ZNF395: variants seen among roughly 807,000 people sequenced by gnomAD.
ZNF395 encodes zinc finger protein 395.
Under a neutral mutation model 57.7 loss-of-function variants are expected in ZNF395, and 20 were observed. The ratio of observed to expected loss-of-function variants is 0.35; its 90% CI spans 0.24 to 0.50. The LOEUF (loss-of-function observed/expected upper bound fraction) is 0.50. ZNF395 is among the 20% of genes least tolerant of loss of function. The probability of loss-of-function intolerance (pLI) is 0.97; values close to 1 mark genes in which losing one functional copy is unlikely to be tolerated. For synonymous variants in ZNF395, 295 were observed against 275.9 expected, an observed-to-expected ratio of 1.07 and a Z score of -0.69; for missense variants, 606 against 671.2, an observed-to-expected ratio of 0.90 and a Z score of 1.07.
rs1441706239 is a variant in ZNF395, at chr8:28,347,467, C to T, written c.*1252G>A. On this transcript the variant is annotated 3_prime_UTR_variant, in exon 10 of 10. Transcript: ENST00000344423. ...GCTGGTTGGCATGGTGCTACACTCC[C>T]GAGACCTCCCTCCTTCTCCCCAAGA... The T allele has an allele frequency of 6.6e-6, 1 of 152,282 alleles. No individual in the cohort carries two copies. Among genetic ancestry groups the T allele is most frequent in the Non-Finnish European group, 1.5e-5 (1 of 68,106 alleles). The allele number at this position is 152,282 out of a possible 1,614,324, so 9.4% of individuals were successfully genotyped here.
chr8:28,360,295 A>G (rs1158825426), intron 2 of ZNF395, among the ~76,000 whole-genome samples: 34 of 152,348 alleles, frequency 2.2e-4, no homozygotes, highest in Non-Finnish European at 7.4e-5. Flanking sequence ...TCTCACAGGC[A>G]GGGAGGCCTG....
intron 1 of ZNF395, among the ~76,000 whole-genome samples, chr8:28,380,444 G>A (rs746180429): frequency 9.2e-5 from 14 of 152,120 alleles, no homozygotes; most frequent in African/African-American, 1.9e-4. Context: ...TCTGATGAGC[G>A]CGCCTTCTCT....
Position 28,360,908 on chromosome 8 carries a change from C to T in ZNF395, c.217G>A (p.Val73Met). ...KAPSTSGLQQ[V>M]AFQPGQKVYV... is the part of the protein sequence containing the mutation. ...ACCTTCTGCCCAGGCTGAAAGGCCA[C>T]CTGCTGAAGGCCCGAGGTGCTGGGA... The change falls in exon 2 of 10, where the codon GTG becomes ATG. Residue 73 changes from valine (V) to methionine (M), a missense_variant. By Grantham distance (21) the Val-to-Met change is conservative. This residue lies in a region of ZNF395 where 309 missense variants were observed against 374.7 expected (regional missense o/e 0.82). Transcript: ENST00000344423. 3 of 1,613,936 alleles carry T rather than the reference C, an allele frequency of 1.9e-6. No homozygotes were observed. The highest frequency in any genetic ancestry group is 2.5e-6 in the Non-Finnish European group (3 of 1,179,984).
chr8:28,360,438 G>A (rs1450581141), intron 2 of ZNF395, among the ~76,000 whole-genome samples: 1 of 152,224 alleles, frequency 6.6e-6, no homozygotes. Context: ...GGGCAGGGAT[G>A]CTGGAAAAGG....
chr8:28,359,550 C>G lies in ZNF395; in HGVS notation c.473+42G>C. 1 of 1,549,244 alleles carries G rather than the reference C, an allele frequency of 6.5e-7. No individual in the cohort carries two copies. Among genetic ancestry groups the G allele is most frequent in the Non-Finnish European group, 8.7e-7 (1 of 1,145,018 alleles). ...CAGCCCACACCCTTACACCACACTA[C>G]CCACGTGACTTTTAAAACCCAGTTT... On this transcript the variant is annotated intron_variant, in intron 3 of 9. Transcript: ENST00000344423. The surrounding 1 kb of genome is among the most constrained non-coding windows in gnomAD (Gnocchi z 4.7).
At chr8:28,349,964 T>C in intron 8 of ZNF395, 100 bp downstream of exon 8, 1 of 1,101,286 alleles carries the variant, frequency 9.1e-7, no homozygotes. Context: ...CACCGACCTG[T>C]GGCCACGTGC....
chr8:28,377,510 G>A (rs894940238), intron 1 of ZNF395, among the ~76,000 whole-genome samples: 2 of 152,102 alleles, frequency 1.3e-5, no homozygotes, highest in African/African-American at 2.4e-5. Context: ...GATCTGCCCT[G>A]TATTCTCTTT....
chr8:28,379,975 A>C (rs927747401), intron 1 of ZNF395, among the ~76,000 whole-genome samples: 2 of 152,104 alleles, frequency 1.3e-5, no homozygotes, highest in Non-Finnish European at 2.9e-5. Context: ...TTGAAGTCAC[A>C]CTGTAGATGT....
intron 7 of ZNF395, among the ~76,000 whole-genome samples, chr8:28,351,151 CA>C (rs1403246209): frequency 1.3e-5 from 2 of 152,136 alleles, no homozygotes; most frequent in Non-Finnish European, 2.9e-5. Context: ...CCACAGAACA[CA>C]ATTCTAGGAC....
At position 28,359,262 on chromosome 8, in the gene ZNF395, C is replaced by T. The variant is rs1162965066; in HGVS notation, c.473+330G>A. ...CCAAAAAATACAAAAATTAGCCAGG[C>T]GTGGTGGTGCACGCCTGTAATCCCA... On this transcript the variant is annotated intron_variant, in intron 3 of 9. Coordinates refer to ENST00000344423, the MANE Select transcript of ZNF395 (RefSeq NM_018660.3). The surrounding 1 kb of genome is among the most constrained non-coding windows in gnomAD (Gnocchi z 4.7). Among the ~76,000 whole-genome samples, 1 of 152,040 alleles carries T rather than the reference C, an allele frequency of 6.6e-6. No individual in the cohort carries two copies. The highest frequency in any genetic ancestry group is 1.5e-5 in the Non-Finnish European group (1 of 68,008).
intron 7 of ZNF395, among the ~76,000 whole-genome samples, chr8:28,350,451 G>C (rs1801667845): frequency 6.6e-6 from 1 of 152,172 alleles, no homozygotes; most frequent in South Asian, 2.1e-4. Flanking sequence ...CTTCTCAACT[G>C]GATCACCTAC....
intron 1 of ZNF395, among the ~76,000 whole-genome samples, chr8:28,371,199 G>A (rs1028744381): frequency 1.3e-5 from 2 of 152,134 alleles, no homozygotes; most frequent in African/African-American, 4.8e-5. Flanking sequence ...TGTTTGTTTT[G>A]AGACAGGGTC....
chr8:28,375,560 C>T (rs993140396), intron 1 of ZNF395, among the ~76,000 whole-genome samples: 16 of 152,152 alleles, frequency 1.1e-4, no homozygotes, highest in African/African-American at 3.4e-4. Context: ...TGTCTCCATA[C>T]GTATGTGTCG....
intron 1 of ZNF395, among the ~76,000 whole-genome samples, chr8:28,375,692 G>A (rs1375500943): frequency 6.6e-6 from 1 of 152,176 alleles, no homozygotes; most frequent in Non-Finnish European, 1.5e-5. Context: ...TGTCCTATCA[G>A]ACGTTGGAAA....
Position 28,383,131 on chromosome 8 carries a change from T to C in ZNF395, c.-59+3262A>G, listed in dbSNP as rs1001012427. Among the ~76,000 whole-genome samples, 3 of 152,360 alleles carry C rather than the reference T, an allele frequency of 2.0e-5. No individual in the cohort carries two copies. The South Asian group carries it at 6.2e-4, about 32-fold the overall frequency. On this transcript the variant is annotated intron_variant, in intron 1 of 9. Transcript: ENST00000344423. ...TAAAGAAAAATATCTGATTCCCAAG[T>C]CCTCTTCTACTAGTTCACTGATCTT...
chr8:28,358,878 C>T lies in ZNF395; in HGVS notation c.473+714G>A, dbSNP rs117194402. The stretch of plus-strand genomic sequence containing the variant: ...GCATCACCCCTGGCTGTTTGGACAC[C>T]ACAGCAGAGCTGAGCAGTGGGGACA... On this transcript the variant is annotated intron_variant, in intron 3 of 9. Transcript: ENST00000344423. Among the ~76,000 whole-genome samples the T allele has an allele frequency of 4.3e-3, 656 of 152,250 alleles. 4 individuals carry two copies. The highest frequency in any genetic ancestry group is 0.029 in the East Asian group (152 of 5,180).
Position 28,349,192 on chromosome 8 carries a change from G to C in ZNF395, c.1363C>G (p.Gln455Glu). The change falls in exon 9 of 10, where the codon CAG (glutamine) becomes GAG (glutamate). Residue 455 changes from glutamine (Q) to glutamate (E), a missense_variant. By Grantham distance (29) the Gln-to-Glu change is conservative. This residue lies in a region of ZNF395 where 261 missense variants were observed against 240.3 expected (regional missense o/e 1.09). Coordinates refer to ENST00000344423, the MANE Select transcript of ZNF395 (RefSeq NM_018660.3). ...TGAGATTTCATCGCAGGTGCTGGCT[G>C]CTGGGGCTCGCTGAAGCTTAGCGAC... ...SRSLSFSEPQ[Q>E]PAPAMKSHLI... is the part of the protein sequence containing the mutation. The C allele has an allele frequency of 1.3e-6, 2 of 1,561,316 alleles. No homozygotes were observed. Among genetic ancestry groups the C allele is most frequent in the Non-Finnish European group, 1.7e-6 (2 of 1,153,874 alleles).
In ZNF395 at chr8:28,352,722, C is replaced by T. The variant is rs1158429634; in HGVS notation, c.820-49G>A. On this transcript the variant is annotated intron_variant, in intron 5 of 9. Transcript: ENST00000344423. This position sits in a 1 kb window ranked among gnomAD's most constrained non-coding sequence, Gnocchi z 4.0. ...AGTGGATATGTCTTTCTCCTTATCC[C>T]TCGCTCAACCTTACCCAGTGGGGAC... 6.5e-7 allele frequency: 1 copy of T among 1,531,168 alleles called. No homozygotes were observed. Among genetic ancestry groups the T allele is most frequent in the Non-Finnish European group, 9.0e-7 (1 of 1,106,530 alleles). 94.8% of individuals were successfully genotyped at this position (1,531,168 alleles called of 1,614,324 possible). A position where few individuals can be genotyped will look rare whatever the true frequency, so the allele number is the denominator to read the frequency against.
At chr8:28,376,330 CT>C (rs898840770) in intron 1 of ZNF395, among the ~76,000 whole-genome samples, 1 of 151,920 alleles carries the variant, frequency 6.6e-6, no homozygotes, top group Non-Finnish European at 1.5e-5. Flanking sequence ...TCATATTTTG[CT>C]TTTTTTAAAA....
Sources: gnomAD v4.1 joint callset for allele counts (sites outside exome capture counted in the v4.1 genomes callset) on GRCh38, gnomAD v4.1.1 for gene constraint, gnomAD v4.1.1 regional missense constraint, Gnocchi (gnomAD v3.1) non-coding constraint, MANE v1.5 for transcripts, NCBI Gene and HGNC (gene_info 2026-07-23, HGNC 2026-07-21) for gene names.